The following ACTR3C variants were observed in gnomAD, a reference collection of about 807,000 sequenced individuals.
The protein encoded by ACTR3C is actin-related protein 3C.
A neutral mutation model predicts 26.3 loss-of-function variants in ACTR3C; 18 were observed. The observed-to-expected ratio is 0.68, with a 90% CI of 0.47 to 1.01. ACTR3C has a LOEUF of 1.01. Among genes scored for constraint, ACTR3C ranks in the 50% least tolerant of loss-of-function variants. The pLI, the probability that ACTR3C is intolerant of heterozygous loss-of-function variation, is 0.00. For missense variants in ACTR3C, 184 were observed against 250.7 expected (o/e 0.73, Z 1.80); for synonymous variants, 55 against 94.5 (o/e 0.58, Z 2.42).
chr7:150,196,575 T>C, the ACTR3C span, among the ~76,000 whole-genome samples: 1 of 152,238 alleles, frequency 6.6e-6, no homozygotes, highest in Non-Finnish European at 1.5e-5. Context: ...AAGTGGTTCT[T>C]TTGATTGCTT....
the ACTR3C span, among the ~76,000 whole-genome samples, chr7:150,080,862 CA>C: frequency 6.6e-6 from 1 of 152,124 alleles, no homozygotes; most frequent in Non-Finnish European, 1.5e-5. Context: ...AAAGACTTTA[CA>C]AAAGTTGGGG....
chr7:150,229,635 C>T, the ACTR3C span, among the ~76,000 whole-genome samples: 80 of 150,944 alleles, frequency 5.3e-4, no homozygotes, highest in Non-Finnish European at 1.0e-3. Context: ...CAGGCGTGCA[C>T]CACGACACAC....
chr7:150,023,677 G>C, the ACTR3C span, among the ~76,000 whole-genome samples: 1 of 149,772 alleles, frequency 6.7e-6, no homozygotes. Flanking sequence ...AGAAATGAAA[G>C]GTTTTATTCT....
the ACTR3C span, among the ~76,000 whole-genome samples, chr7:149,983,445 G>A: frequency 1.1e-3 from 3 of 2,698 alleles, no homozygotes; most frequent in Non-Finnish European, 0.011. Context: ...GTATGTGTGT[G>A]TGTGTATATA....
At chr7:149,893,729 AATTCC>A in the ACTR3C span, among the ~76,000 whole-genome samples, 1 of 152,210 alleles carries the variant, frequency 6.6e-6, no homozygotes, top group Non-Finnish European at 1.5e-5. Context: ...ACATAAACCT[AATTCC>A]ATAAATATAC....
At chr7:150,042,633 A>T in the ACTR3C span, among the ~76,000 whole-genome samples, 1 of 151,132 alleles carries the variant, frequency 6.6e-6, no homozygotes, top group African/African-American at 2.5e-5. Context: ...GTAAGAGGGG[A>T]TGGATCTCAG....
At chr7:150,210,110 G>C in the ACTR3C span, among the ~76,000 whole-genome samples, 1 of 151,964 alleles carries the variant, frequency 6.6e-6, no homozygotes, top group South Asian at 2.1e-4. Context: ...ATGGAAATAA[G>C]CATGTGTAAA....
chr7:150,001,704 CACTGTGCAGGGTGAA>C, the ACTR3C span: 1 of 151,736 alleles, frequency 6.6e-6, no homozygotes, highest in Admixed American at 6.6e-5. Flanking sequence ...CCATTCTCTT[CACTGTGCAGGGTGAA>C]ACAACAGACA....
chr7:150,234,672 AT>A, the ACTR3C span, among the ~76,000 whole-genome samples: 1 of 152,162 alleles, frequency 6.6e-6, no homozygotes, highest in East Asian at 1.9e-4. Flanking sequence ...GACTCCCCTA[AT>A]TCATCTATCT....
chr7:150,188,325 C>T, the ACTR3C span, among the ~76,000 whole-genome samples: 1,735 of 151,776 alleles, frequency 0.011, 12 homozygotes, highest in African/African-American at 0.04. Context: ...TAGTGTTCCA[C>T]TGCATGAAAG....
chr7:150,137,245 T>C, the ACTR3C span, among the ~76,000 whole-genome samples: 1 of 152,202 alleles, frequency 6.6e-6, no homozygotes, highest in African/African-American at 2.4e-5. Flanking sequence ...CGGGATGCTT[T>C]TTCCAGCCAC....
the ACTR3C span, among the ~76,000 whole-genome samples, chr7:150,221,470 A>G: frequency 6.6e-6 from 1 of 152,226 alleles, no homozygotes; most frequent in Non-Finnish European, 1.5e-5. Flanking sequence ...ACAGGGGACC[A>G]AGGGCACGTT....
intron 2 of ACTR3C, among the ~76,000 whole-genome samples, chr7:150,294,619 A>G (rs1263173836): frequency 6.6e-6 from 1 of 152,216 alleles, no homozygotes; most frequent in Non-Finnish European, 1.5e-5. Context: ...AAGCTGCAGG[A>G]TGCAGCATCG....
chr7:150,261,170 A>G (rs71238212), intron 6 of ACTR3C, among the ~76,000 whole-genome samples: 17 of 152,178 alleles, frequency 1.1e-4, no homozygotes, highest in African/African-American at 4.1e-4. Flanking sequence ...TGTGAATGTG[A>G]TATTAAAATA....
At chr7:150,281,081 T>C (rs1835294241) in intron 6 of ACTR3C, among the ~76,000 whole-genome samples, 1 of 151,666 alleles carries the variant, frequency 6.6e-6, no homozygotes, top group Non-Finnish European at 1.5e-5. Context: ...GTGGAACCAG[T>C]GAAAGCACAC....
the ACTR3C span, among the ~76,000 whole-genome samples, chr7:150,093,706 G>A: frequency 4.0e-5 from 6 of 150,818 alleles, no homozygotes; most frequent in South Asian, 2.1e-4. Context: ...TCTTCTCAGC[G>A]GAGCAGCTGT....
the ACTR3C span, among the ~76,000 whole-genome samples, chr7:150,209,538 C>G: frequency 6.6e-6 from 1 of 150,552 alleles, no homozygotes; most frequent in Non-Finnish European, 1.5e-5. Flanking sequence ...TAGGATATAT[C>G]AAAGTTCTTT....
the ACTR3C span, among the ~76,000 whole-genome samples, chr7:149,969,181 G>T: frequency 6.6e-6 from 1 of 152,092 alleles, no homozygotes; most frequent in Non-Finnish European, 1.5e-5. Flanking sequence ...CGCTGTCTTC[G>T]TTCTTGGACA....
At chr7:149,959,609 A>G in the ACTR3C span, among the ~76,000 whole-genome samples, 2 of 152,304 alleles carry the variant, frequency 1.3e-5, no homozygotes, top group South Asian at 4.1e-4. Context: ...TCACTCATAA[A>G]ATAATTACAC....
Sources: gnomAD v4.1 joint callset for allele counts (sites outside exome capture counted in the v4.1 genomes callset) on GRCh38, gnomAD v4.1.1 for gene constraint, MANE v1.5 for transcripts, NCBI Gene and HGNC (gene_info 2026-07-23, HGNC 2026-07-21) for gene names.